SPIDR: variants seen among roughly 807,000 people sequenced by gnomAD.
SPIDR encodes scaffold protein involved in DNA repair, also known as DNA repair-scaffolding protein.
SPIDR carries 93 observed loss-of-function variants against 104.6 expected under a neutral mutation model. That is an observed-to-expected ratio of 0.89 (90% CI 0.75 to 1.06). The LOEUF is 1.06. SPIDR is among the 50% of genes least tolerant of loss of function. The probability of loss-of-function intolerance (pLI) is 0.00; values close to 1 mark genes in which losing one functional copy is unlikely to be tolerated. For synonymous variants in SPIDR, 431 were observed against 416.9 expected (o/e 1.03, Z -0.41); for missense variants, 1,154 against 1,111.2 (o/e 1.04, Z -0.55).
rs550348350 is a variant in SPIDR, at chr8:47,601,296, AAC to A, written c.1544+2104_1544+2105del. 1.6e-3 allele frequency among the ~76,000 whole-genome samples: 239 copies of A among 152,350 alleles called. 1 individual carries two copies. The highest frequency in any genetic ancestry group is 5.6e-3 in the African/African-American group (233 of 41,588). ...ATTATTTCCACTTTGCAGATGAGGA[AAC>A]ACAGCCTCAAGGAGGATCTCACTGC... On this transcript the variant is annotated intron_variant, in intron 10 of 19. Transcript: ENST00000297423.
intron 10 of SPIDR, among the ~76,000 whole-genome samples, chr8:47,601,717 T>C (rs1052005306): frequency 1.1e-4 from 17 of 151,976 alleles, no homozygotes; most frequent in African/African-American, 3.9e-4. Context: ...AAAATTGAGT[T>C]AGAACCAAGC....
chr8:47,293,966 A>G lies in SPIDR; in HGVS notation c.461A>G (p.Asp154Gly). The change falls in exon 5 of 20, where the codon GAC becomes GGC. Residue 154 changes from aspartate (D) to glycine (G), a missense_variant. By Grantham distance (94) the Asp-to-Gly change is moderately conservative (BLOSUM62 -1). Transcript: ENST00000297423. ...EDDEGAVEISDCASCASNQSL... is the reference protein window; with the variant it reads ...EDDEGAVEISGCASCASNQSL... ...GACGAGGGTGCTGTGGAAATCTCAG[A>G]CTGTGCTTCTTGTGCAAGTAATCAG... The G allele has an allele frequency of 6.2e-7, 1 of 1,614,172 alleles. No individual in the cohort carries two copies. The highest frequency in any genetic ancestry group is 8.5e-7 in the Non-Finnish European group (1 of 1,180,024).
chr8:47,558,534 C>G (rs1488927248), intron 8 of SPIDR, among the ~76,000 whole-genome samples: 1 of 152,036 alleles, frequency 6.6e-6, no homozygotes, highest in Non-Finnish European at 1.5e-5. Context: ...TGCAGTGTTC[C>G]AGCAAGATGC....
intron 5 of SPIDR, among the ~76,000 whole-genome samples, chr8:47,309,399 G>T (rs1586727549): frequency 6.6e-6 from 1 of 152,088 alleles, no homozygotes; most frequent in African/African-American, 2.4e-5. Flanking sequence ...TCTTAGTATA[G>T]CATTTTCGGG....
At position 47,406,445 on chromosome 8, in the gene SPIDR, A is replaced by T. The variant is rs573091925; in HGVS notation, c.777-1416A>T. The stretch of plus-strand genomic sequence containing the variant: ...TAAACGAGTTACTTCATGTAAACAG[A>T]ATGATATGAAGAAGGGCTTAATAGG... On this transcript the variant is annotated intron_variant, in intron 6 of 19. Coordinates refer to ENST00000297423, the MANE Select transcript of SPIDR (RefSeq NM_001080394.4). 1.4e-4 allele frequency among the ~76,000 whole-genome samples: 22 copies of T among 152,294 alleles called. No individual in the cohort carries two copies. In the East Asian group the frequency reaches 2.3e-3, roughly 16 times the overall value.
intron 5 of SPIDR, among the ~76,000 whole-genome samples, chr8:47,336,660 GGTT>G (rs1279911222): frequency 2.6e-5 from 4 of 152,154 alleles, no homozygotes; most frequent in Non-Finnish European, 4.4e-5. Context: ...CAGAGCAGAA[GGTT>G]GTTCCCTGAG....
intron 5 of SPIDR, among the ~76,000 whole-genome samples, chr8:47,322,355 C>T (rs2046818818): frequency 6.6e-6 from 1 of 152,168 alleles, no homozygotes; most frequent in African/African-American, 2.4e-5. Flanking sequence ...CATCCCTGGC[C>T]ATCAGAGAAA....
chr8:47,540,450 T>A (rs1230146209), intron 8 of SPIDR, among the ~76,000 whole-genome samples: 1 of 152,198 alleles, frequency 6.6e-6, no homozygotes, highest in Non-Finnish European at 1.5e-5. Context: ...AGGAAAAGCA[T>A]TCAAAAAATA....
chr8:47,349,106 T>C (rs1554620483), intron 5 of SPIDR, among the ~76,000 whole-genome samples: 1 of 152,246 alleles, frequency 6.6e-6, no homozygotes, highest in Non-Finnish European at 1.5e-5. Context: ...CTTTGGTCTT[T>C]GATGATGGTG....
At position 47,589,529 on chromosome 8, in the gene SPIDR, C is replaced by A. The variant is rs1435841993; in HGVS notation, c.1098-6282C>A. On this transcript the variant is annotated intron_variant, in intron 8 of 19. Coordinates refer to ENST00000297423, the MANE Select transcript of SPIDR (RefSeq NM_001080394.4). ...AACAGAGCATGACTCCATCTCAAAA[C>A]AAAAAAAAAAAATTACATATTTATT... Among the ~76,000 whole-genome samples, 452 of 137,686 alleles carry A rather than the reference C, an allele frequency of 3.3e-3. 1 individual carries two copies. Among genetic ancestry groups the A allele is most frequent in the African/African-American group, 0.011 (410 of 37,834 alleles). The allele number at this position is 137,686 out of a possible 152,430, so 90.3% of individuals were successfully genotyped here.
intron 7 of SPIDR, among the ~76,000 whole-genome samples, chr8:47,438,765 CAGTGCTT>C (rs1248671336): frequency 1.3e-5 from 2 of 151,724 alleles, no homozygotes; most frequent in Non-Finnish European, 2.9e-5. Context: ...TTGTCCAAGA[CAGTGCTT>C]AGGGGAGGCA....
chr8:47,293,754 A>G (rs2040354166), intron 4 of SPIDR, 113 bp from the exon 5 acceptor site: 1 of 1,190,462 alleles, frequency 8.4e-7, no homozygotes, highest in Non-Finnish European at 1.2e-6. Context: ...GGCCCTAAAT[A>G]TATTTTTTAA....
chr8:47,411,873 C>G (rs1415847802), intron 7 of SPIDR, among the ~76,000 whole-genome samples: 7 of 152,072 alleles, frequency 4.6e-5, no homozygotes, highest in Non-Finnish European at 8.8e-5. Context: ...TTCTACATAT[C>G]GCTACCTAGT....
At position 47,735,341 on chromosome 8, in the gene SPIDR, T is replaced by G; in HGVS notation, c.2639T>G (p.Val880Gly). The stretch of plus-strand genomic sequence containing the variant: ...GTGAAGAGTGTCCTCGGAAAGGAAG[T>G]GGGGTTGTTAAATTGTTTTGTCCAG... ...YEVKSVLGKE[V>G]GLLNCFVQSV... is the part of the protein sequence containing the mutation. The change falls in exon 20 of 20, where the codon GTG becomes GGG. Residue 880 changes from valine to glycine, a missense_variant. Coordinates refer to ENST00000297423, the MANE Select transcript of SPIDR (RefSeq NM_001080394.4). 6.2e-7 allele frequency: 1 copy of G among 1,613,882 alleles called. No homozygotes were observed.
rs138469005 is a variant in SPIDR, at chr8:47,357,846, G to A, written c.526-38530G>A. ...AAAGGAGATCTCATACATGTTAATC[G>A]TCTAGTGTTTAAGGCCACATGAAGG... On this transcript the variant is annotated intron_variant, in intron 5 of 19. Coordinates refer to ENST00000297423, the MANE Select transcript of SPIDR (RefSeq NM_001080394.4). The A allele has an allele frequency of 4.9e-4, 483 of 984,796 alleles. 9 individuals carry two copies. In the Admixed American group the frequency reaches 0.024, roughly 49 times the overall value. The allele number at this position is 984,796 out of a possible 1,614,324, so 61.0% of individuals were successfully genotyped here.
At chr8:47,675,550 C>T (rs2076325489) in intron 11 of SPIDR, among the ~76,000 whole-genome samples, 1 of 152,054 alleles carries the variant, frequency 6.6e-6, no homozygotes, top group African/African-American at 2.4e-5. Context: ...AGGCCAGGCA[C>T]GGTGGCTCCT....
chr8:47,687,482 A>T (rs940656637), intron 11 of SPIDR, among the ~76,000 whole-genome samples: 1 of 152,230 alleles, frequency 6.6e-6, no homozygotes, highest in Non-Finnish European at 1.5e-5. Context: ...GCTGCAACAC[A>T]CTTCCTTGTA....
chr8:47,401,127 CAG>C, intron 6 of SPIDR, among the ~76,000 whole-genome samples: 1 of 152,158 alleles, frequency 6.6e-6, no homozygotes, highest in Non-Finnish European at 1.5e-5. Context: ...ATCAGACTAA[CAG>C]AGAATCTCTC....
At chr8:47,386,892 A>AAGAGAG (rs376045910) in intron 5 of SPIDR, among the ~76,000 whole-genome samples, 1 of 70,678 alleles carries the variant, frequency 1.4e-5, no homozygotes, top group South Asian at 4.1e-4. Context: ...GAGAGAGAGA[A>AAGAGAG]AGAGAGAGAG....
Sources: gnomAD v4.1 joint callset for allele counts (sites outside exome capture counted in the v4.1 genomes callset) on GRCh38, gnomAD v4.1.1 for gene constraint, MANE v1.5 for transcripts, NCBI Gene and HGNC (gene_info 2026-07-23, HGNC 2026-07-21) for gene names.